FMNL3: variants seen among roughly 807,000 people sequenced by gnomAD.
The protein encoded by FMNL3 is formin-like protein 3.
FMNL3 carries 57 observed loss-of-function variants against 119.6 expected under a neutral mutation model. That is an observed-to-expected ratio of 0.48 (90% CI 0.39 to 0.59). FMNL3 has a LOEUF of 0.59. Ranked by LOEUF, FMNL3 falls within the 20% of genes least tolerant of loss-of-function variation. The pLI, the probability that FMNL3 is intolerant of heterozygous loss-of-function variation, is 0.00. For missense variants in FMNL3, 1,053 were observed against 1,323.5 expected, an observed-to-expected ratio of 0.80 and a Z score of 3.17; for synonymous variants, 491 against 507.3, an observed-to-expected ratio of 0.97 and a Z score of 0.43.
intron 1 of FMNL3, among the ~76,000 whole-genome samples, chr12:49,698,312 G>C (rs751489676): frequency 3.3e-5 from 5 of 151,996 alleles, no homozygotes; most frequent in Non-Finnish European, 5.9e-5. Flanking sequence ...GATGGACGTG[G>C]GGGATAAGGA....
rs1457850072 is a variant in FMNL3, at chr12:49,642,000, C to G, written c.*3815G>C. The G allele has an allele frequency of 6.2e-7, 1 of 1,613,132 alleles. No individual in the cohort carries two copies. On this transcript the variant is annotated 3_prime_UTR_variant, in exon 26 of 26. Coordinates refer to ENST00000335154, the MANE Select transcript of FMNL3 (RefSeq NM_175736.5). ...AGAGGGCTGCCGCACTGGACGCAGGCAACATCAAGCTGACCTTCAATAGTG... is the reference window on the plus strand; with the variant it reads ...AGAGGGCTGCCGCACTGGACGCAGGGAACATCAAGCTGACCTTCAATAGTG...
Position 49,640,248 on chromosome 12 carries a change from T to C in FMNL3, c.*5567A>G, listed in dbSNP as rs564145750. 2.0e-5 allele frequency: 3 copies of C among 152,372 alleles called. No homozygotes were observed. Among genetic ancestry groups the C allele is most frequent in the East Asian group, 1.9e-4 (1 of 5,192 alleles). 9.4% of individuals were successfully genotyped at this position (152,372 alleles called of 1,614,324 possible). A position where few individuals can be genotyped will look rare whatever the true frequency, so the allele number is the denominator to read the frequency against. On this transcript the variant is annotated 3_prime_UTR_variant, in exon 26 of 26. Coordinates refer to ENST00000335154, the MANE Select transcript of FMNL3 (RefSeq NM_175736.5). The stretch of plus-strand genomic sequence containing the variant: ...CCATGGAGGATGCTCATGAGAAATA[T>C]ATTCTCTTGAGATCTGTTGAATTTT...
Position 49,644,127 on chromosome 12 carries a change from C to G in FMNL3, c.*1688G>C. On this transcript the variant is annotated 3_prime_UTR_variant, in exon 26 of 26. Transcript: ENST00000335154. ...AGGCTGGGACACGTCAGAAAGTGAG[C>G]TGAGTGAGGGTGAGCTGGAGAGGCG... 2.5e-6 allele frequency: 4 copies of G among 1,614,166 alleles called. No homozygotes were observed. The highest frequency in any genetic ancestry group is 3.4e-6 in the Non-Finnish European group (4 of 1,180,042).
chr12:49,657,099 C>T lies in FMNL3; in HGVS notation c.697G>A (p.Ala233Thr), dbSNP rs747296458. 1.5e-5 allele frequency: 24 copies of T among 1,614,030 alleles called. No individual in the cohort carries two copies. Among genetic ancestry groups the T allele is most frequent in the Non-Finnish European group, 1.7e-6 (2 of 1,180,022 alleles). The change falls in exon 7 of 26, where the codon GCC becomes ACC. Residue 233 changes from alanine to threonine, a missense_variant. Transcript: ENST00000335154. ...CCCCTTACCTGATAGTTCATGATGG[C>T]TCTGAGACAAAGGATACAGACGTGG... ...DVHVCILCLR[A>T]IMNYQYGFNL...
rs1397868292 is a variant in FMNL3 at position 49,654,902 on chromosome 12, T to G, written c.960+8A>C. 5.6e-6 allele frequency: 9 copies of G among 1,613,820 alleles called. No homozygotes were observed. The Middle Eastern group carries it at 6.6e-4, about 118-fold the overall frequency. On this transcript the variant is annotated splice_region_variant and intron_variant, in intron 10 of 25. Transcript: ENST00000335154. ...GGGTATGTGCTGGACCCAGGCCCAG[T>G]TCCTCACCATGAAGTCAATATTGCT...
rs1480443671 is a variant in FMNL3, at chr12:49,642,254, CACGGGAGAGGGA to C, written c.*3549_*3560del. On this transcript the variant is annotated 3_prime_UTR_variant, in exon 26 of 26. Coordinates refer to ENST00000335154, the MANE Select transcript of FMNL3 (RefSeq NM_175736.5). This position sits in a 1 kb window ranked among gnomAD's most constrained non-coding sequence, Gnocchi z 5.8. The stretch of plus-strand genomic sequence containing the variant: ...CCTCAGCTGCTGGAGAAAGCAGAGG[CACGGGAGAGGGA>C]GCGGGAGAAGGAGGAGGCACGCAGG... The C allele has an allele frequency of 3.7e-6, 6 of 1,614,054 alleles. No individual in the cohort carries two copies. The highest frequency in any genetic ancestry group is 2.7e-5 in the African/African-American group (2 of 74,926).
chr12:49,697,038 G>A (rs893616038), intron 1 of FMNL3, among the ~76,000 whole-genome samples: 6 of 152,286 alleles, frequency 3.9e-5, no homozygotes, highest in South Asian at 2.1e-4. Flanking sequence ...AGGGGGAGAG[G>A]GGAAATAGGG....
At position 49,637,447 on chromosome 12, in the gene FMNL3, A is replaced by G. The variant is rs767244372; in HGVS notation, c.*8368T>C. The G allele has an allele frequency of 1.5e-5, 23 of 1,563,708 alleles. No homozygotes were observed. The highest frequency in any genetic ancestry group is 3.3e-5 in the South Asian group (3 of 90,046). Reference sequence around the variant, plus strand: ...TCTGCCTCCCTGTCTCACTCTCCCTATAACTGGCCTCTCCCTGCTCAGACC... The same window carrying G: ...TCTGCCTCCCTGTCTCACTCTCCCTGTAACTGGCCTCTCCCTGCTCAGACC... On this transcript the variant is annotated 3_prime_UTR_variant, in exon 26 of 26. Coordinates refer to ENST00000335154, the MANE Select transcript of FMNL3 (RefSeq NM_175736.5).
intron 1 of FMNL3, among the ~76,000 whole-genome samples, chr12:49,691,895 C>T (rs745634809): frequency 4.6e-5 from 7 of 151,816 alleles, no homozygotes; most frequent in Admixed American, 1.3e-4. Flanking sequence ...ATTAGCTGGG[C>T]GTGGTCTTGC....
chr12:49,666,130 C>T lies in FMNL3; in HGVS notation c.288G>A (p.Arg96=), dbSNP rs376401152. 1.9e-6 allele frequency: 3 copies of T among 1,613,914 alleles called. No individual in the cohort carries two copies. Among genetic ancestry groups the T allele is most frequent in the Middle Eastern group, 1.6e-4 (1 of 6,062 alleles). The change falls in exon 3 of 26, where the codon CGG becomes CGA. Residue 96 remains arginine (R), a synonymous_variant. Transcript: ENST00000335154. ...LQSFLDPSVT[R]KKFRRRVQES... ...GACTCTCTGCCTCATACTTCACCTT[C>T]CGAGTTACACTGGGGTCCAAGAAGC...
chr12:49,647,185 TC>T lies in FMNL3; in HGVS notation c.2871+90del. On this transcript the variant is annotated intron_variant, in intron 24 of 25. Coordinates refer to ENST00000335154, the MANE Select transcript of FMNL3 (RefSeq NM_175736.5). This position sits in a 1 kb window ranked among gnomAD's most constrained non-coding sequence, Gnocchi z 4.9. ...CTGGCCCTCTGGGTGGTCTGTCCAC[TC>T]CAAGTTTTCATCTCCTCTAGCCTTC... is the stretch of plus-strand genomic sequence containing the variant. The T allele has an allele frequency of 1.3e-6, 2 of 1,573,182 alleles. No homozygotes were observed. The highest frequency in any genetic ancestry group is 1.7e-6 in the Non-Finnish European group (2 of 1,146,910).
intron 5 of FMNL3, among the ~76,000 whole-genome samples, chr12:49,660,688 G>A (rs1420649558): frequency 6.6e-6 from 1 of 152,252 alleles, no homozygotes; most frequent in Non-Finnish European, 1.5e-5. Context: ...TGGGAGCAGC[G>A]GCTCACGCCT....
intron 1 of FMNL3, 35 bp downstream of exon 1, chr12:49,707,020 G>T (rs942752635): frequency 1.3e-6 from 2 of 1,554,004 alleles, no homozygotes; most frequent in South Asian, 1.2e-5. Context: ...CCTGAGGGGC[G>T]GTACGCGGGG....
chr12:49,654,043 A>G, intron 11 of FMNL3, 149 bp downstream of exon 11: 2 of 1,144,556 alleles, frequency 1.7e-6, no homozygotes, highest in South Asian at 3.1e-5. Flanking sequence ...CTGGGGAGTT[A>G]GCTGCAGAGG....
At chr12:49,674,264 T>A (rs1944124414) in intron 1 of FMNL3, among the ~76,000 whole-genome samples, 1 of 152,332 alleles carries the variant, frequency 6.6e-6, no homozygotes, top group South Asian at 2.1e-4. Context: ...ATCTATATCC[T>A]GTGGCAGAAA....
chr12:49,654,244 C>A lies in FMNL3; in HGVS notation c.1019G>T (p.Arg340Leu). 6.2e-7 allele frequency: 1 copy of A among 1,614,040 alleles called. No individual in the cohort carries two copies. Among genetic ancestry groups the A allele is most frequent in the Non-Finnish European group, 8.5e-7 (1 of 1,180,018 alleles). The change falls in exon 11 of 26, where the codon CGG becomes CTG. Residue 340 changes from arginine (R) to leucine (L), a missense_variant. Coordinates refer to ENST00000335154, the MANE Select transcript of FMNL3 (RefSeq NM_175736.5). ...GGTAAACTCATACTGCAGGTGGACC[C>A]GGAAGTTCATGTCCTCCACCGAGTG... is the stretch of plus-strand genomic sequence containing the variant. ...VVHSVEDMNF[R>L]VHLQYEFTKL...
In FMNL3 at chr12:49,646,671, T is replaced by G. The variant is rs965723499; in HGVS notation, c.2995+215A>C. 1.2e-5 allele frequency: 18 copies of G among 1,535,590 alleles called. 1 individual carries two copies. The Admixed American group carries it at 3.5e-4, about 30-fold the overall frequency. On this transcript the variant is annotated intron_variant, in intron 25 of 25. Coordinates refer to ENST00000335154, the MANE Select transcript of FMNL3 (RefSeq NM_175736.5). Reference sequence around the variant, plus strand: ...GCCCCAACCTTGGGGGCTAACAGTTTGACTCATCATGGTGGGCTGCATCAC... The same window carrying G: ...GCCCCAACCTTGGGGGCTAACAGTTGGACTCATCATGGTGGGCTGCATCAC...
rs1592625976 is a variant in FMNL3, at chr12:49,643,462, A to C, written c.*2353T>G. The C allele has an allele frequency of 6.6e-7, 1 of 1,510,444 alleles. No individual in the cohort carries two copies. The highest frequency in any genetic ancestry group is 2.3e-5 in the East Asian group (1 of 44,076). The allele number at this position is 1,510,444 out of a possible 1,614,324, so 93.6% of individuals were successfully genotyped here. On this transcript the variant is annotated 3_prime_UTR_variant, in exon 26 of 26. Transcript: ENST00000335154. ...GTCCCAGACTGAGAGGATGCCCTCC[A>C]CAAGCCCCAGCTCCTTTGAGGGTAG...
In FMNL3 at chr12:49,643,839, G is replaced by C. The variant is rs1395193925; in HGVS notation, c.*1976C>G. ...CCAGGCTATCCACAGGAACTGAGGA[G>C]GTGGGCTCTGGACTCTTACAGAATA... On this transcript the variant is annotated 3_prime_UTR_variant, in exon 26 of 26. Transcript: ENST00000335154. The C allele has an allele frequency of 6.2e-7, 1 of 1,614,034 alleles. No homozygotes were observed. Among genetic ancestry groups the C allele is most frequent in the African/African-American group, 1.3e-5 (1 of 74,932 alleles).
Sources: gnomAD v4.1 joint callset for allele counts (sites outside exome capture counted in the v4.1 genomes callset) on GRCh38, gnomAD v4.1.1 for gene constraint, Gnocchi (gnomAD v3.1) non-coding constraint, MANE v1.5 for transcripts, NCBI Gene and HGNC (gene_info 2026-07-23, HGNC 2026-07-21) for gene names.